Variants in UHRF2 observed in about 807,000 individuals in gnomAD.
UHRF2 encodes ubiquitin like with PHD and ring finger domains 2, also known as E3 ubiquitin-protein ligase UHRF2.
A neutral mutation model predicts 96.8 loss-of-function variants in UHRF2; 23 were observed. The observed-to-expected ratio is 0.24, with a 90% CI of 0.17 to 0.34. The LOEUF (loss-of-function observed/expected upper bound fraction) is 0.34. Ranked by LOEUF, UHRF2 falls within the 10% of genes least tolerant of loss-of-function variation. UHRF2 has a pLI of 1.00. For missense variants in UHRF2, 685 were observed against 981.5 expected (o/e 0.70, Z 4.04); for synonymous variants, 385 against 332.6 (o/e 1.16, Z -1.72).
intron 3 of UHRF2, among the ~76,000 whole-genome samples, chr9:6,447,001 G>A (rs908989574): frequency 1.3e-5 from 2 of 151,884 alleles, no homozygotes; most frequent in Admixed American, 6.5e-5. Flanking sequence ...CCATTCTCTT[G>A]CCTCAGCCTC....
At chr9:6,423,760 A>G (rs1297494458) in intron 2 of UHRF2, among the ~76,000 whole-genome samples, 6 of 151,964 alleles carry the variant, frequency 3.9e-5, no homozygotes, top group African/African-American at 1.5e-4. Flanking sequence ...CCTGGCCAAG[A>G]TGGTGAAACC....
At chr9:6,480,428 A>G (rs577807513) in intron 6 of UHRF2, among the ~76,000 whole-genome samples, 26 of 152,368 alleles carry the variant, frequency 1.7e-4, no homozygotes, top group African/African-American at 5.3e-4. Flanking sequence ...AACCTGTTGA[A>G]GGAGTGAATC....
At chr9:6,444,139 T>G (rs751230287) in intron 3 of UHRF2, among the ~76,000 whole-genome samples, 1 of 152,198 alleles carries the variant, frequency 6.6e-6, no homozygotes, top group Admixed American at 6.5e-5. Flanking sequence ...AGAGAGTAGA[T>G]TTTTCTTGAA....
At chr9:6,440,521 G>T (rs1240450806) in intron 3 of UHRF2, among the ~76,000 whole-genome samples, 1 of 152,074 alleles carries the variant, frequency 6.6e-6, no homozygotes, top group Non-Finnish European at 1.5e-5. Flanking sequence ...GCTGTCAGAG[G>T]TCAACATTTT....
At chr9:6,453,656 A>C (rs1209979741) in intron 3 of UHRF2, among the ~76,000 whole-genome samples, 1 of 152,218 alleles carries the variant, frequency 6.6e-6, no homozygotes, top group Non-Finnish European at 1.5e-5. Flanking sequence ...TGACCATTAA[A>C]AAATGGGATT....
intron 1 of UHRF2, among the ~76,000 whole-genome samples, chr9:6,419,469 T>G (rs1382803007): frequency 1.3e-5 from 2 of 152,206 alleles, no homozygotes; most frequent in African/African-American, 4.8e-5. Context: ...TTGTTTTTTT[T>G]TCTGCTTGAC....
intron 3 of UHRF2, among the ~76,000 whole-genome samples, chr9:6,459,867 G>A (rs1313169208): frequency 3.9e-5 from 6 of 152,336 alleles, no homozygotes; most frequent in African/African-American, 1.4e-4. Flanking sequence ...CAGCTACTCA[G>A]GCAGCTCAGG....
At chr9:6,486,432 A>G (rs991047104) in intron 8 of UHRF2, among the ~76,000 whole-genome samples, 6 of 152,262 alleles carry the variant, frequency 3.9e-5, no homozygotes, top group Admixed American at 2.0e-4. Context: ...CAACAGGGCC[A>G]CTATCCAAGA....
intron 3 of UHRF2, among the ~76,000 whole-genome samples, chr9:6,458,313 G>GT (rs2130839527): frequency 6.6e-6 from 1 of 152,230 alleles, no homozygotes; most frequent in Admixed American, 6.5e-5. Context: ...ATGGTAGTTT[G>GT]TATTTCTGTG....
chr9:6,472,676 T>C (rs1276903297), intron 4 of UHRF2, among the ~76,000 whole-genome samples: 1 of 152,224 alleles, frequency 6.6e-6, no homozygotes, highest in Non-Finnish European at 1.5e-5. Context: ...ATGTACTGGC[T>C]CTATGACCTG....
intron 3 of UHRF2, among the ~76,000 whole-genome samples, chr9:6,442,009 AG>A (rs1212374851): frequency 6.6e-6 from 1 of 152,198 alleles, no homozygotes; most frequent in Non-Finnish European, 1.5e-5. Flanking sequence ...TCTGTTGCCC[AG>A]GCTGGAGTCC....
chr9:6,496,150 G>A (rs962628916), intron 10 of UHRF2: 5 of 151,960 alleles, frequency 3.3e-5, no homozygotes, highest in Admixed American at 2.0e-4. Context: ...TTTTCTTGAC[G>A]TCTATTTTTT....
At chr9:6,498,314 G>A (rs757777332) in intron 12 of UHRF2, 156 bp downstream of exon 12, 43 of 820,694 alleles carry the variant, frequency 5.2e-5, no homozygotes, top group Non-Finnish European at 7.3e-5. Flanking sequence ...GAAAAGAAGA[G>A]AAAAGGTAGT....
At chr9:6,502,198 C>T (rs1207612560) in intron 14 of UHRF2, among the ~76,000 whole-genome samples, 1 of 152,200 alleles carries the variant, frequency 6.6e-6, no homozygotes, top group Non-Finnish European at 1.5e-5. Flanking sequence ...GCCCTGTGAT[C>T]AGCAGCCCTA....
intron 2 of UHRF2, among the ~76,000 whole-genome samples, chr9:6,428,814 G>T (rs954974307): frequency 2.0e-5 from 3 of 152,032 alleles, no homozygotes; most frequent in Non-Finnish European, 4.4e-5. Flanking sequence ...CTCCCAAAGT[G>T]CTGGGATTAC....
intron 3 of UHRF2, 138 bp downstream of exon 3, chr9:6,434,311 G>C: frequency 9.0e-7 from 1 of 1,107,490 alleles, no homozygotes; most frequent in East Asian, 2.6e-5. Context: ...TTTTGGTTTT[G>C]GTGGTTGTAC....
intron 14 of UHRF2, among the ~76,000 whole-genome samples, chr9:6,503,547 A>T (rs1435846398): frequency 6.6e-6 from 1 of 152,128 alleles, no homozygotes; most frequent in Non-Finnish European, 1.5e-5. Context: ...TAGCATCAGG[A>T]AGGTATGGGA....
At chr9:6,419,803 T>A (rs1819821315) in intron 1 of UHRF2, among the ~76,000 whole-genome samples, 1 of 152,154 alleles carries the variant, frequency 6.6e-6, no homozygotes, top group Non-Finnish European at 1.5e-5. Context: ...TGCAATAGCA[T>A]GATCATGGCT....
At chr9:6,501,583 A>G (rs1179813959) in intron 14 of UHRF2, among the ~76,000 whole-genome samples, 6 of 152,260 alleles carry the variant, frequency 3.9e-5, no homozygotes, top group Non-Finnish European at 4.4e-5. Context: ...AAATTTATCA[A>G]ATATTTGGAT....
Sources: gnomAD v4.1 joint callset for allele counts (sites outside exome capture counted in the v4.1 genomes callset) on GRCh38, gnomAD v4.1.1 for gene constraint, MANE v1.5 for transcripts, NCBI Gene and HGNC (gene_info 2026-07-23, HGNC 2026-07-21) for gene names.